Variants in NXPE2 observed in about 807,000 individuals in gnomAD.
The protein encoded by NXPE2 is NXPE family member 2.
Under a neutral mutation model 34.4 loss-of-function variants are expected in NXPE2, and 34 were observed. The observed-to-expected ratio is 0.99, with a 90% CI of 0.75 to 1.31. The LOEUF is 1.31. Among genes scored for constraint, NXPE2 ranks in the 40% most tolerant of loss-of-function variants. The pLI, the probability that NXPE2 is intolerant of heterozygous loss-of-function variation, is 0.00. For missense variants in NXPE2, 649 were observed against 672.5 expected, an observed-to-expected ratio of 0.97 and a Z score of 0.39; for synonymous variants, 235 against 231.3, an observed-to-expected ratio of 1.02 and a Z score of -0.15.
chr11:114,546,098 T>C, the NXPE2 span, among the ~76,000 whole-genome samples: 1 of 152,206 alleles, frequency 6.6e-6, no homozygotes, highest in African/African-American at 2.4e-5. Context: ...ATTACAAATG[T>C]ATGACATAAC....
At chr11:114,774,863 G>A in the NXPE2 span, among the ~76,000 whole-genome samples, 65 of 152,320 alleles carry the variant, frequency 4.3e-4, no homozygotes, top group Middle Eastern at 6.8e-3. Flanking sequence ...GGCCTTCAGG[G>A]ACCTTGACTG....
the NXPE2 span, among the ~76,000 whole-genome samples, chr11:114,662,557 C>A: frequency 6.6e-6 from 1 of 152,154 alleles, no homozygotes; most frequent in Non-Finnish European, 1.5e-5. Context: ...TTCTGAGACA[C>A]CAGCTGCGGT....
the NXPE2 span, among the ~76,000 whole-genome samples, chr11:114,491,668 C>G: frequency 6.6e-6 from 1 of 152,058 alleles, no homozygotes; most frequent in Non-Finnish European, 1.5e-5. Context: ...GGTATATACC[C>G]AAAGGATTAT....
At chr11:114,513,110 GC>G in the NXPE2 span, 1 of 538,330 alleles carries the variant, frequency 1.9e-6, no homozygotes, top group Non-Finnish European at 3.8e-6. Flanking sequence ...TGAAGCACCT[GC>G]CATCAGGGCT....
chr11:114,603,410 G>C, the NXPE2 span, among the ~76,000 whole-genome samples: 3 of 151,122 alleles, frequency 2.0e-5, no homozygotes, highest in Non-Finnish European at 4.4e-5. Context: ...CTATTACCTG[G>C]TGGATGATAA....
In NXPE2 at chr11:114,706,937, AAT is replaced by A; in HGVS notation, c.*9_*10del. 6.5e-7 allele frequency: 1 copy of A among 1,533,568 alleles called. No individual in the cohort carries two copies. Among genetic ancestry groups the A allele is most frequent in the East Asian group, 2.4e-5 (1 of 40,820 alleles). 95.0% of individuals were successfully genotyped at this position (1,533,568 alleles called of 1,614,324 possible). A position where few individuals can be genotyped will look rare whatever the true frequency, so the allele number is the denominator to read the frequency against. ...CTTAAACTACATTTGTTAGAGGAAA[AAT>A]ACAAAAATAGCACTAGCCACTTTCT... is the stretch of plus-strand genomic sequence containing the variant. On this transcript the variant is annotated 3_prime_UTR_variant, in exon 6 of 6. Coordinates refer to ENST00000389586, the MANE Select transcript of NXPE2 (RefSeq NM_182495.6).
chr11:114,517,516 G>A, the NXPE2 span, among the ~76,000 whole-genome samples: 1 of 152,032 alleles, frequency 6.6e-6, no homozygotes, highest in African/African-American at 2.4e-5. Context: ...CCTTTTTTAT[G>A]TACACTACCA....
chr11:114,658,234 C>T, the NXPE2 span, among the ~76,000 whole-genome samples: 1 of 152,214 alleles, frequency 6.6e-6, no homozygotes, highest in Non-Finnish European at 1.5e-5. Flanking sequence ...CAAATACTGA[C>T]TCACTTTTGA....
At chr11:114,787,780 G>A in the NXPE2 span, among the ~76,000 whole-genome samples, 2 of 152,142 alleles carry the variant, frequency 1.3e-5, no homozygotes, top group South Asian at 4.2e-4. Context: ...CAGCAAAATA[G>A]AAGACTTGCC....
chr11:114,556,018 T>C, the NXPE2 span, among the ~76,000 whole-genome samples: 3 of 150,466 alleles, frequency 2.0e-5, no homozygotes, highest in African/African-American at 4.8e-5. Flanking sequence ...TTTTGGTAAG[T>C]ACCTAAGGGT....
At chr11:114,674,874 C>G (rs375673618), upstream of NXPE2, among the ~76,000 whole-genome samples, 18 of 151,650 alleles carry the variant, frequency 1.2e-4, no homozygotes, top group African/African-American at 3.6e-4. Context: ...GACTATCATC[C>G]CTAATGAACA....
chr11:114,625,022 T>C, the NXPE2 span, among the ~76,000 whole-genome samples: 1 of 152,076 alleles, frequency 6.6e-6, no homozygotes, highest in African/African-American at 2.4e-5. Context: ...GGATAGTAAG[T>C]GTTGCCTCGG....
At chr11:114,626,446 C>T in the NXPE2 span, among the ~76,000 whole-genome samples, 53 of 151,968 alleles carry the variant, frequency 3.5e-4, no homozygotes, top group African/African-American at 1.3e-3. Context: ...GGTACTCCAA[C>T]AGACCTGCAG....
chr11:114,769,591 G>T, the NXPE2 span, among the ~76,000 whole-genome samples: 22 of 152,162 alleles, frequency 1.4e-4, no homozygotes, highest in African/African-American at 5.3e-4. Flanking sequence ...ACTGGATAAA[G>T]AAAATATGGC....
At chr11:114,675,101 T>A (rs1950842791), upstream of NXPE2, among the ~76,000 whole-genome samples, 3 of 151,696 alleles carry the variant, frequency 2.0e-5, no homozygotes, top group Admixed American at 2.0e-4. Flanking sequence ...ATTCAATGTC[T>A]TTTCATGAGA....
At chr11:114,663,637 C>CTATCTATCTATCTATCATCT in the NXPE2 span, among the ~76,000 whole-genome samples, 18 of 138,868 alleles carry the variant, frequency 1.3e-4, no homozygotes, top group South Asian at 2.5e-4. Context: ...ATCTATCTAT[C>CTATCTATCTATCTATCATCT]ATCTATCCAT....
the NXPE2 span, among the ~76,000 whole-genome samples, chr11:114,629,371 C>A: frequency 6.6e-6 from 1 of 152,010 alleles, no homozygotes; most frequent in African/African-American, 2.4e-5. Flanking sequence ...TCAATATACA[C>A]AAATCAATAA....
At chr11:114,496,071 A>G in the NXPE2 span, among the ~76,000 whole-genome samples, 3 of 152,284 alleles carry the variant, frequency 2.0e-5, no homozygotes, top group African/African-American at 7.2e-5. Flanking sequence ...AGCCCAGCAT[A>G]GCACCAGGAC....
chr11:114,539,629 TTAAGA>T, the NXPE2 span, among the ~76,000 whole-genome samples: 6 of 152,168 alleles, frequency 3.9e-5, no homozygotes, highest in Non-Finnish European at 1.5e-5. Context: ...AATTAAATTC[TTAAGA>T]TGGGAGATGG....
Sources: allele counts gnomAD v4.1 joint callset (sites outside exome capture counted in the v4.1 genomes callset), GRCh38; gene constraint gnomAD v4.1.1; transcripts MANE v1.5; gene names NCBI Gene and HGNC (gene_info 2026-07-23, HGNC 2026-07-21).